The following UGT1A5 variants were observed in gnomAD, a reference collection of about 807,000 sequenced individuals.
The protein encoded by UGT1A5 is UDP glucuronosyltransferase family 1 member A5, also known as UDP-glucuronosyltransferase 1A5.
In UGT1A5, 29 loss-of-function variants were observed where a neutral mutation model predicts 40.3. The observed-to-expected ratio is 0.72, with a 90% CI of 0.54 to 0.98. The LOEUF (loss-of-function observed/expected upper bound fraction) is 0.98, where lower values mean the gene tolerates loss of function less well. Ranked by LOEUF, UGT1A5 falls within the 50% of genes least tolerant of loss-of-function variation. UGT1A5 has a pLI of 0.00. For synonymous variants in UGT1A5, 257 were observed against 262.5 expected, an observed-to-expected ratio of 0.98 and a Z score of 0.20; for missense variants, 678 against 677.9, an observed-to-expected ratio of 1.00 and a Z score of 0.00.
At chr2:233,750,254 C>A (rs1056169582) in intron 1 of UGT1A5, among the ~76,000 whole-genome samples, 6 of 152,046 alleles carry the variant, frequency 3.9e-5, no homozygotes, top group African/African-American at 1.5e-4. Flanking sequence ...ACAAAGGTCA[C>A]CCTTGCTATG....
At chr2:233,719,240 C>T (rs753605986) in intron 1 of UGT1A5, 10 of 1,614,038 alleles carry the variant, frequency 6.2e-6, no homozygotes, top group Non-Finnish European at 8.5e-6. Context: ...TGATCAGGCA[C>T]CTGAATGCTA....
chr2:233,724,419 C>T (rs1157534469), intron 1 of UGT1A5, among the ~76,000 whole-genome samples: 13 of 129,206 alleles, frequency 1.0e-4, no homozygotes, highest in South Asian at 3.0e-4. Flanking sequence ...GGCTGCCGGG[C>T]GGAGAGGCTC....
intron 1 of UGT1A5, among the ~76,000 whole-genome samples, chr2:233,717,241 CA>C (rs2076559700): frequency 6.6e-6 from 1 of 152,144 alleles, no homozygotes; most frequent in African/African-American, 2.4e-5. Context: ...AAGATGCAGA[CA>C]GTTTTAAGGG....
chr2:233,719,495 T>A, intron 1 of UGT1A5: 2 of 1,613,994 alleles, frequency 1.2e-6, no homozygotes, highest in Non-Finnish European at 1.7e-6. Context: ...ACATTTGCCA[T>A]ACTTTTTCTG....
intron 1 of UGT1A5, chr2:233,747,444 A>G: frequency 6.2e-7 from 1 of 1,609,016 alleles, no homozygotes; most frequent in East Asian, 2.2e-5. Flanking sequence ...TTTCACCCTG[A>G]CAACCTATGC....
At chr2:233,718,637 T>G in intron 1 of UGT1A5, 10 of 1,451,642 alleles carry the variant, frequency 6.9e-6, no homozygotes, top group Non-Finnish European at 8.3e-6. Context: ...TTTCCCAGGG[T>G]TGGGCCCATA....
chr2:233,729,883 T>G (rs1220265805), intron 1 of UGT1A5: 1 of 1,613,824 alleles, frequency 6.2e-7, no homozygotes, highest in Non-Finnish European at 8.5e-7. Flanking sequence ...CAGTCATGCA[T>G]CTGTGTGGCT....
intron 1 of UGT1A5, among the ~76,000 whole-genome samples, chr2:233,734,101 T>TATAATA (rs549143261): frequency 6.3e-4 from 96 of 151,394 alleles, no homozygotes; most frequent in African/African-American, 1.8e-3. Flanking sequence ...AAACTTAAAG[T>TATAATA]ATAATAATAA....
chr2:233,713,893 A>T (rs774657608), intron 1 of UGT1A5, 35 bp downstream of exon 1: 2 of 1,613,332 alleles, frequency 1.2e-6, no homozygotes, highest in Admixed American at 3.3e-5. Context: ...TCAATGTTCC[A>T]GGCAAAACAC....
chr2:233,717,780 T>A, intron 1 of UGT1A5: 2 of 456,414 alleles, frequency 4.4e-6, no homozygotes, highest in African/African-American at 2.0e-5. Flanking sequence ...ATTCTCCATT[T>A]TGAAATTTGA....
intron 1 of UGT1A5, among the ~76,000 whole-genome samples, chr2:233,733,240 C>T (rs912669842): frequency 1.8e-4 from 28 of 152,276 alleles, no homozygotes; most frequent in Admixed American, 1.5e-3. Flanking sequence ...AATATACAAT[C>T]ATGTCATCTG....
intron 1 of UGT1A5, chr2:233,754,913 C>T (rs778952229): frequency 7.4e-7 from 1 of 1,353,756 alleles, no homozygotes; most frequent in African/African-American, 1.5e-5. Context: ...AAATATTCTC[C>T]AGCGGGTTTC....
chr2:233,767,283 C>T (rs1575825850), intron 2 of UGT1A5, 118 bp downstream of exon 2: 2 of 1,571,702 alleles, frequency 1.3e-6, no homozygotes, highest in Non-Finnish European at 1.7e-6. Flanking sequence ...TTCCCTGCCA[C>T]TTCCCAACTA....
rs1575663531 is a variant in UGT1A5, at chr2:233,744,064, T to A, written c.868-22970T>A. ...GCCACATCTCATTGGTCGAGGCCTATGAGCGCCTCGCATCCCAAGATGCAG... is the reference window on the plus strand; with the variant it reads ...GCCACATCTCATTGGTCGAGGCCTAAGAGCGCCTCGCATCCCAAGATGCAG... On this transcript the variant is annotated intron_variant, in intron 1 of 4. Transcript: ENST00000373414. 7.1e-6 allele frequency: 4 copies of A among 560,044 alleles called. No homozygotes were observed. In the East Asian group the frequency reaches 2.1e-4, roughly 29 times the overall value. 34.7% of individuals were successfully genotyped at this position (560,044 alleles called of 1,614,324 possible). A position where few individuals can be genotyped will look rare whatever the true frequency, so the allele number is the denominator to read the frequency against.
chr2:233,743,705 G>T (rs756391897), intron 1 of UGT1A5: 2 of 1,367,306 alleles, frequency 1.5e-6, no homozygotes, highest in Non-Finnish European at 9.8e-7. Context: ...CTCCGCCCCC[G>T]CCTCGCCATA....
At chr2:233,756,852 C>A (rs11568318) in intron 1 of UGT1A5, among the ~76,000 whole-genome samples, 7,795 of 152,070 alleles carry the variant, frequency 0.051, 227 homozygotes, top group African/African-American at 0.061. Context: ...AACATTCTAA[C>A]GGTTCATAAA....
intron 1 of UGT1A5, among the ~76,000 whole-genome samples, chr2:233,717,603 G>T (rs1270322489): frequency 2.0e-5 from 3 of 152,300 alleles, no homozygotes; most frequent in East Asian, 3.9e-4. Context: ...ATGGAAAGTG[G>T]GCACAGCCCA....
chr2:233,742,671 T>C (rs1692065704), intron 1 of UGT1A5: 1 of 152,224 alleles, frequency 6.6e-6, no homozygotes, highest in South Asian at 2.1e-4. Context: ...CCCCAAGGTT[T>C]GTCCTCAGCC....
chr2:233,726,656 T>G (rs1331581430), intron 1 of UGT1A5, among the ~76,000 whole-genome samples: 1 of 152,184 alleles, frequency 6.6e-6, no homozygotes, highest in Non-Finnish European at 1.5e-5. Flanking sequence ...ACTCTTAATT[T>G]AATCATATCT....
Sources: gnomAD v4.1 joint callset for allele counts (sites outside exome capture counted in the v4.1 genomes callset) on GRCh38, gnomAD v4.1.1 for gene constraint, MANE v1.5 for transcripts, NCBI Gene and HGNC (gene_info 2026-07-23, HGNC 2026-07-21) for gene names.